NKAIN2: variants seen among roughly 807,000 people sequenced by gnomAD.
NKAIN2 encodes the protein sodium/potassium transporting ATPase interacting 2.
A neutral mutation model predicts 32.6 loss-of-function variants in NKAIN2; 14 were observed. That is an observed-to-expected ratio of 0.43 (90% CI 0.28 to 0.67). NKAIN2 has a LOEUF of 0.67. NKAIN2 is among the 30% of genes least tolerant of loss of function. NKAIN2 has a pLI of 0.17. For missense variants in NKAIN2, 198 were observed against 258.3 expected (o/e 0.77, Z 1.60); for synonymous variants, 80 against 87.2 (o/e 0.92, Z 0.46).
rs576491359 is a variant in NKAIN2 at position 124,190,960 on chromosome 6, A to G, written c.55-92045A>G. Among the ~76,000 whole-genome samples the G allele has an allele frequency of 2.6e-5, 4 of 152,260 alleles. No individual in the cohort carries two copies. The East Asian group carries it at 7.7e-4, about 29-fold the overall frequency. On this transcript the variant is annotated intron_variant, in intron 1 of 6. Transcript: ENST00000368417. ...CCTCTCTATAACATCCTCCCCCACC[A>G]TCAATATTCTACAACAGAGTGGTAC...
rs1455782437 is a variant in NKAIN2 at position 123,804,089 on chromosome 6, C to G, written c.-112C>G. 3 of 966,394 alleles carry G rather than the reference C, an allele frequency of 3.1e-6. No homozygotes were observed. Among genetic ancestry groups the G allele is most frequent in the East Asian group, 2.4e-5 (1 of 41,918 alleles). 59.9% of individuals were successfully genotyped at this position (966,394 alleles called of 1,614,324 possible). A position where few individuals can be genotyped will look rare whatever the true frequency, so the allele number is the denominator to read the frequency against. On this transcript the variant is annotated 5_prime_UTR_variant, in exon 1 of 7. Transcript: ENST00000368417. ...CTGGCAGCAGCAGCAGCCCGGAGCCCCCGAGCCCTCGGCAGGTTTGCGTGT... is the reference window on the plus strand; with the variant it reads ...CTGGCAGCAGCAGCAGCCCGGAGCCGCCGAGCCCTCGGCAGGTTTGCGTGT...
chr6:124,477,582 C>T (rs1484548438), intron 3 of NKAIN2, among the ~76,000 whole-genome samples: 1 of 151,790 alleles, frequency 6.6e-6, no homozygotes, highest in Non-Finnish European at 1.5e-5. Flanking sequence ...AATAATATCT[C>T]TTTCCTCCCC....
At chr6:124,623,451 T>TGTAA (rs1308261878) in intron 3 of NKAIN2, among the ~76,000 whole-genome samples, 1 of 152,146 alleles carries the variant, frequency 6.6e-6, no homozygotes, top group African/African-American at 2.4e-5. Flanking sequence ...AACTTAAAAA[T>TGTAA]GTAAGTATGA....
chr6:124,106,931 T>A (rs940432670), intron 1 of NKAIN2, among the ~76,000 whole-genome samples: 3 of 152,120 alleles, frequency 2.0e-5, no homozygotes, highest in African/African-American at 7.2e-5. Flanking sequence ...ACAAAACATA[T>A]ACCATATTAG....
At chr6:124,163,229 A>T (rs1414816635) in intron 1 of NKAIN2, among the ~76,000 whole-genome samples, 1 of 152,040 alleles carries the variant, frequency 6.6e-6, no homozygotes, top group Admixed American at 6.6e-5. Context: ...ATCTGAGGAA[A>T]TAAATATACT....
intron 1 of NKAIN2, among the ~76,000 whole-genome samples, chr6:123,978,119 A>T (rs1048273027): frequency 7.2e-5 from 11 of 152,146 alleles, no homozygotes; most frequent in Non-Finnish European, 1.2e-4. Flanking sequence ...TAAAAGCTTA[A>T]TTTTTTGGAA....
chr6:124,174,871 T>TTA (rs1238376428), intron 1 of NKAIN2, among the ~76,000 whole-genome samples: 2 of 152,158 alleles, frequency 1.3e-5, no homozygotes, highest in Non-Finnish European at 2.9e-5. Context: ...TGCAGTTGAC[T>TTA]TATATATCTC....
chr6:124,653,024 C>T (rs1317307319), intron 3 of NKAIN2, among the ~76,000 whole-genome samples: 3 of 152,058 alleles, frequency 2.0e-5, no homozygotes, highest in Admixed American at 6.6e-5. Flanking sequence ...AATAAATAAT[C>T]GTGTGAAATT....
intron 1 of NKAIN2, among the ~76,000 whole-genome samples, chr6:124,155,978 A>G (rs79940869): frequency 0.043 from 6,452 of 151,162 alleles, 265 homozygotes; most frequent in Admixed American, 0.094. Context: ...AAAAAAAAAA[A>G]GGGATACTAG....
chr6:124,729,868 A>T (rs1776566833), intron 4 of NKAIN2, among the ~76,000 whole-genome samples: 1 of 151,718 alleles, frequency 6.6e-6, no homozygotes, highest in Non-Finnish European at 1.5e-5. Flanking sequence ...AAGTCTTAGG[A>T]TACAAAATCA....
chr6:124,703,774 T>C (rs779543913), intron 4 of NKAIN2, among the ~76,000 whole-genome samples: 9 of 151,966 alleles, frequency 5.9e-5, no homozygotes, highest in Non-Finnish European at 1.2e-4. Flanking sequence ...TGAGACATAA[T>C]TGAGCATCTG....
At chr6:124,562,191 G>A (rs1020637640) in intron 3 of NKAIN2, among the ~76,000 whole-genome samples, 1 of 152,100 alleles carries the variant, frequency 6.6e-6, no homozygotes, top group Non-Finnish European at 1.5e-5. Flanking sequence ...AATAAATGCT[G>A]TATATGCTAC....
chr6:123,823,791 G>A (rs1463717185), intron 1 of NKAIN2, among the ~76,000 whole-genome samples: 1 of 152,116 alleles, frequency 6.6e-6, no homozygotes, highest in Admixed American at 6.5e-5. Flanking sequence ...CAAACCAGAA[G>A]GGTGAAACAC....
intron 2 of NKAIN2, among the ~76,000 whole-genome samples, chr6:124,333,141 G>A (rs1025967419): frequency 6.6e-6 from 1 of 152,136 alleles, no homozygotes; most frequent in African/African-American, 2.4e-5. Context: ...ATTAAATCCA[G>A]TCCACTCAAT....
At position 124,227,435 on chromosome 6, in the gene NKAIN2, T is replaced by A. The variant is rs530240198; in HGVS notation, c.55-55570T>A. ...CACGCGTAATTCTCTAAGGATTCAG[T>A]CCCTGTGAGTTTTTCTAAGCTTTGT... On this transcript the variant is annotated intron_variant, in intron 1 of 6. Coordinates refer to ENST00000368417, the MANE Select transcript of NKAIN2 (RefSeq NM_001040214.3). 3.9e-5 allele frequency among the ~76,000 whole-genome samples: 6 copies of A among 152,352 alleles called. No individual in the cohort carries two copies. The East Asian group carries it at 1.2e-3, about 29-fold the overall frequency.
chr6:124,410,130 T>C (rs1474176416), intron 3 of NKAIN2, among the ~76,000 whole-genome samples: 2 of 152,114 alleles, frequency 1.3e-5, no homozygotes, highest in South Asian at 2.1e-4. Flanking sequence ...TTTGTTGATC[T>C]TTTCAAAAAA....
chr6:124,695,063 G>T (rs781270989), intron 4 of NKAIN2, among the ~76,000 whole-genome samples: 30 of 150,770 alleles, frequency 2.0e-4, no homozygotes, highest in Non-Finnish European at 3.7e-4. Flanking sequence ...TTTTTTATTG[G>T]ATAGTGTTTT....
At chr6:124,622,069 A>G (rs189000565) in intron 3 of NKAIN2, among the ~76,000 whole-genome samples, 1 of 152,180 alleles carries the variant, frequency 6.6e-6, no homozygotes, top group Admixed American at 6.5e-5. Context: ...TTCTCTCACA[A>G]TTCTAGAGGT....
chr6:124,520,598 G>A (rs1779084439), intron 3 of NKAIN2, among the ~76,000 whole-genome samples: 1 of 152,112 alleles, frequency 6.6e-6, no homozygotes, highest in Non-Finnish European at 1.5e-5. Context: ...CTTTAAGAAG[G>A]CACATAAGAA....
Sources: allele counts gnomAD v4.1 joint callset (sites outside exome capture counted in the v4.1 genomes callset), GRCh38; gene constraint gnomAD v4.1.1; transcripts MANE v1.5; gene names NCBI Gene and HGNC (gene_info 2026-07-23, HGNC 2026-07-21).